The following NEBL variants were observed in gnomAD, a reference collection of about 807,000 sequenced individuals.
The protein encoded by NEBL is nebulette.
NEBL carries 122 observed loss-of-function variants against 140.2 expected under a neutral mutation model. That is an observed-to-expected ratio of 0.87 (90% CI 0.75 to 1.01). The LOEUF is 1.01. Among genes scored for constraint, NEBL ranks in the 50% least tolerant of loss-of-function variants. The pLI, the probability that NEBL is intolerant of heterozygous loss-of-function variation, is 0.00. For missense variants in NEBL, 1,365 were observed against 1,231.3 expected (o/e 1.11, Z -1.62); for synonymous variants, 436 against 398.9 (o/e 1.09, Z -1.11).
At chr10:21,223,773 TTC>T (rs1475247157) in intron 3 of NEBL, among the ~76,000 whole-genome samples, 2 of 152,234 alleles carry the variant, frequency 1.3e-5, no homozygotes, top group Non-Finnish European at 2.9e-5. Context: ...TGATTTGCAT[TTC>T]TCTGATGATC....
At chr10:21,265,731 G>A (rs1588579378) in intron 1 of NEBL, among the ~76,000 whole-genome samples, 2 of 152,318 alleles carry the variant, frequency 1.3e-5, no homozygotes, top group Non-Finnish European at 1.5e-5. Flanking sequence ...AGCCCAGACA[G>A]TAAATATTTT....
chr10:20,917,499 T>C (rs1437349734), intron 4 of NEBL, among the ~76,000 whole-genome samples: 1 of 152,204 alleles, frequency 6.6e-6, no homozygotes, highest in Admixed American at 6.5e-5. Flanking sequence ...TATTTATTTC[T>C]CAATGTATGC....
At chr10:20,920,343 C>T (rs1326791211) in intron 4 of NEBL, among the ~76,000 whole-genome samples, 4 of 152,272 alleles carry the variant, frequency 2.6e-5, no homozygotes, top group Admixed American at 2.0e-4. Context: ...GATAAATATA[C>T]AAGACTATTC....
At chr10:21,188,762 G>GT (rs1473042069) in intron 3 of NEBL, among the ~76,000 whole-genome samples, 2 of 151,816 alleles carry the variant, frequency 1.3e-5, no homozygotes, top group African/African-American at 4.8e-5. Context: ...GCTAATTTTT[G>GT]TTTTTTTAGT....
chr10:21,121,847 G>T (rs1001164877), intron 2 of NEBL, among the ~76,000 whole-genome samples: 7 of 152,156 alleles, frequency 4.6e-5, no homozygotes, highest in Non-Finnish European at 8.8e-5. Context: ...GATAGAAAAT[G>T]CAAATTTGAA....
chr10:21,235,247 G>A (rs559655313), intron 3 of NEBL, among the ~76,000 whole-genome samples: 2 of 152,244 alleles, frequency 1.3e-5, no homozygotes, highest in Admixed American at 6.5e-5. Context: ...AGTGAGCTAC[G>A]ACTGTGCCAC....
intron 4 of NEBL, among the ~76,000 whole-genome samples, chr10:20,944,153 A>T (rs1835042245): frequency 6.6e-6 from 1 of 152,216 alleles, no homozygotes; most frequent in Non-Finnish European, 1.5e-5. Context: ...TAATCCCAGC[A>T]CTTTGGGAGG....
At chr10:20,791,340 A>G (rs1049188602) in intron 26 of NEBL, among the ~76,000 whole-genome samples, 2 of 152,332 alleles carry the variant, frequency 1.3e-5, no homozygotes, top group African/African-American at 4.8e-5. Flanking sequence ...AAGATAAAGA[A>G]GTGAATACAT....
chr10:20,929,947 A>T (rs1337821793), intron 4 of NEBL, among the ~76,000 whole-genome samples: 1 of 152,152 alleles, frequency 6.6e-6, no homozygotes, highest in Non-Finnish European at 1.5e-5. Context: ...TTGAGGTTAG[A>T]GAGCTTCAGG....
At chr10:21,050,362 C>G (rs978662127) in intron 2 of NEBL, among the ~76,000 whole-genome samples, 2 of 152,162 alleles carry the variant, frequency 1.3e-5, no homozygotes, top group Non-Finnish European at 2.9e-5. Context: ...AAAATCAATT[C>G]TCACAGCCAA....
chr10:21,026,480 T>C (rs182014138), intron 2 of NEBL, among the ~76,000 whole-genome samples: 8 of 152,356 alleles, frequency 5.3e-5, no homozygotes, highest in Admixed American at 3.3e-4. Context: ...TTTGTTTTCA[T>C]TCCTGTCTCC....
intron 3 of NEBL, among the ~76,000 whole-genome samples, chr10:21,206,113 C>T (rs1451498550): frequency 1.3e-5 from 2 of 152,094 alleles, no homozygotes; most frequent in African/African-American, 4.8e-5. Context: ...AAACCAATTA[C>T]AAGAGACCAA....
chr10:21,260,087 C>G (rs559627812), intron 1 of NEBL, among the ~76,000 whole-genome samples: 2 of 152,226 alleles, frequency 1.3e-5, no homozygotes, highest in Non-Finnish European at 2.9e-5. Flanking sequence ...TCCTGTTAGG[C>G]AAATCAATAC....
intron 2 of NEBL, among the ~76,000 whole-genome samples, chr10:21,129,474 T>C (rs532109192): frequency 3.9e-4 from 59 of 151,896 alleles, no homozygotes; most frequent in Non-Finnish European, 7.1e-4. Context: ...ATGTATTCAA[T>C]TATATATGCT....
At chr10:20,940,466 G>C (rs946041583) in intron 4 of NEBL, among the ~76,000 whole-genome samples, 1 of 144,538 alleles carries the variant, frequency 6.9e-6, no homozygotes, top group African/African-American at 2.6e-5. Context: ...AGCACTAAAT[G>C]CCCACAAGAG....
At chr10:20,997,492 A>C (rs997706314) in intron 3 of NEBL, among the ~76,000 whole-genome samples, 1 of 136,598 alleles carries the variant, frequency 7.3e-6, no homozygotes, top group African/African-American at 3.1e-5. Context: ...AAAAAAAAAA[A>C]AAAAAAAAAA....
intron 3 of NEBL, among the ~76,000 whole-genome samples, chr10:21,217,504 A>C (rs1842010441): frequency 6.6e-6 from 1 of 152,186 alleles, no homozygotes; most frequent in African/African-American, 2.4e-5. Flanking sequence ...ACTGGCTTCC[A>C]ATAATTTGAA....
At chr10:21,279,759 A>T (rs11012638) in intron 1 of NEBL, among the ~76,000 whole-genome samples, 10 of 145,884 alleles carry the variant, frequency 6.9e-5, no homozygotes, top group African/African-American at 2.3e-4. Context: ...ATCCATATAA[A>T]AAAAAAAAAA....
intron 1 of NEBL, among the ~76,000 whole-genome samples, chr10:21,288,452 A>C (rs1843090455): frequency 6.6e-6 from 1 of 151,670 alleles, no homozygotes; most frequent in Non-Finnish European, 1.5e-5. Context: ...TGGGTGACAC[A>C]GTAAGCCTGT....
Sources: allele counts gnomAD v4.1 joint callset (sites outside exome capture counted in the v4.1 genomes callset), GRCh38; gene constraint gnomAD v4.1.1; transcripts MANE v1.5; gene names NCBI Gene and HGNC (gene_info 2026-07-23, HGNC 2026-07-21).